The following GRM8 variants were observed in gnomAD, a reference collection of about 807,000 sequenced individuals.
GRM8 encodes the protein metabotropic glutamate receptor 8.
In GRM8, 47 loss-of-function variants were observed where a neutral mutation model predicts 87.2. The observed-to-expected ratio is 0.54, with a 90% CI of 0.43 to 0.69. GRM8 has a LOEUF of 0.69. Among genes scored for constraint, GRM8 ranks in the 30% least tolerant of loss-of-function variants. The probability of loss-of-function intolerance (pLI) is 0.00; values close to 1 mark genes in which losing one functional copy is unlikely to be tolerated. For synonymous variants in GRM8, 396 were observed against 404.5 expected (o/e 0.98, Z 0.25); for missense variants, 1,019 against 1,139.2 (o/e 0.89, Z 1.52).
At chr7:127,084,464 G>A (rs1033794754) in intron 3 of GRM8, 2 of 152,150 alleles carry the variant, frequency 1.3e-5, no homozygotes, top group African/African-American at 4.8e-5. Flanking sequence ...TATAAACCAT[G>A]TTTGTTATTA....
chr7:126,967,511 C>A (rs183612365), intron 3 of GRM8, among the ~76,000 whole-genome samples: 1 of 150,456 alleles, frequency 6.6e-6, no homozygotes, highest in South Asian at 2.1e-4. Context: ...GCCTCACAAG[C>A]TTGGATTATG....
intron 9 of GRM8, among the ~76,000 whole-genome samples, chr7:126,505,177 T>C (rs1421839419): frequency 1.3e-5 from 2 of 152,030 alleles, no homozygotes; most frequent in Non-Finnish European, 2.9e-5. Context: ...TATAGACATA[T>C]AAAAACCACA....
chr7:127,100,016 A>C (rs1197522611), intron 3 of GRM8, among the ~76,000 whole-genome samples: 1 of 152,182 alleles, frequency 6.6e-6, no homozygotes, highest in Non-Finnish European at 1.5e-5. Flanking sequence ...GGAGTGATGC[A>C]TCTACAAGCC....
rs1010891319 is a variant in GRM8 at position 127,184,866 on chromosome 7, A to G, written c.510+57829T>C. On this transcript the variant is annotated intron_variant, in intron 2 of 10. Transcript: ENST00000339582. ...GACCAATTTGTATTTGAAATGAGAG[A>G]AAATACATTTGCAATGGCACCCCAA... is the stretch of plus-strand genomic sequence containing the variant. Among the ~76,000 whole-genome samples, 3 of 152,042 alleles carry G rather than the reference A, an allele frequency of 2.0e-5. 1 individual carries two copies. The highest frequency in any genetic ancestry group is 2.0e-4 in the Admixed American group (3 of 15,244).
At position 126,456,519 on chromosome 7, in the gene GRM8, T is replaced by TAAAAAAAAAAAAAAAAAAAAAAAAAA. The variant is rs513; in HGVS notation, c.2431-10173_2431-10148dup. On this transcript the variant is annotated intron_variant, in intron 9 of 10. Transcript: ENST00000339582. The stretch of plus-strand genomic sequence containing the variant: ...TCCTAAGTGTAAGAAAGCAGCAAGC[T>TAAAAAAAAAAAAAAAAAAAAAAAAAA]AAAAAAAAAAAAAAAAAAAAAAAAA... Among the ~76,000 whole-genome samples the TAAAAAAAAAAAAAAAAAAAAAAAAAA allele has an allele frequency of 4.4e-4, 31 of 69,686 alleles. 3 individuals are homozygous for TAAAAAAAAAAAAAAAAAAAAAAAAAA. The highest frequency in any genetic ancestry group is 5.0e-4 in the African/African-American group (6 of 12,064). 45.7% of individuals were successfully genotyped at this position (69,686 alleles called of 152,430 possible). A position where few individuals can be genotyped will look rare whatever the true frequency, so the allele number is the denominator to read the frequency against.
chr7:126,883,165 T>C (rs1043201855), intron 6 of GRM8, among the ~76,000 whole-genome samples: 2 of 152,174 alleles, frequency 1.3e-5, no homozygotes, highest in Non-Finnish European at 2.9e-5. Context: ...AGATAAATAA[T>C]GATGTAACTA....
At chr7:126,496,329 TTA>T (rs1283758903) in intron 9 of GRM8, among the ~76,000 whole-genome samples, 1 of 151,712 alleles carries the variant, frequency 6.6e-6, no homozygotes, top group African/African-American at 2.4e-5. Context: ...TCTGCAGATT[TTA>T]TAGATTAGAT....
At chr7:126,586,410 T>G (rs1009624226) in intron 8 of GRM8, among the ~76,000 whole-genome samples, 2 of 152,126 alleles carry the variant, frequency 1.3e-5, no homozygotes, top group African/African-American at 4.8e-5. Flanking sequence ...GGAGGCATCA[T>G]GCTACCTGAC....
chr7:126,745,126 C>A (rs1815495542), intron 7 of GRM8, among the ~76,000 whole-genome samples: 1 of 151,526 alleles, frequency 6.6e-6, no homozygotes, highest in South Asian at 2.1e-4. Flanking sequence ...TTTGCTAGGA[C>A]CAAAATGTTT....
At chr7:126,967,938 A>G (rs1284529316) in intron 3 of GRM8, among the ~76,000 whole-genome samples, 1 of 152,200 alleles carries the variant, frequency 6.6e-6, no homozygotes, top group Non-Finnish European at 1.5e-5. Flanking sequence ...TGACTTTACA[A>G]TTCCATATTG....
At chr7:127,168,502 G>C (rs1793586066) in intron 2 of GRM8, among the ~76,000 whole-genome samples, 1 of 152,098 alleles carries the variant, frequency 6.6e-6, no homozygotes, top group Non-Finnish European at 1.5e-5. Context: ...CCATTACTGG[G>C]TATATACTCA....
At position 126,769,988 on chromosome 7, in the gene GRM8, T is replaced by C. The variant is rs761055139; in HGVS notation, c.1234A>G (p.Met412Val). ...VQFVIDAVYS[M>V]AYALHNMHKD... ...TGCATATTGTGCAGGGCGTAAGCCA[T>C]GGAATATACAGCATCAATTACAAAT... Residue 412 changes from methionine (M) to valine (V), a missense_variant, in exon 7 of 11, where the codon ATG becomes GTG. Met to Val is a conservative substitution (Grantham distance 21). Coordinates refer to ENST00000339582, the MANE Select transcript of GRM8 (RefSeq NM_000845.3). The C allele has an allele frequency of 1.6e-5, 26 of 1,612,378 alleles. No homozygotes were observed. The highest frequency in any genetic ancestry group is 1.7e-4 in the Middle Eastern group (1 of 6,056).
chr7:126,732,212 T>C (rs1438991476), intron 7 of GRM8, among the ~76,000 whole-genome samples: 2 of 152,216 alleles, frequency 1.3e-5, no homozygotes, highest in South Asian at 2.1e-4. Flanking sequence ...ATTTATACTA[T>C]ACGACTGAAA....
intron 8 of GRM8, among the ~76,000 whole-genome samples, chr7:126,606,077 A>C (rs930801234): frequency 6.6e-6 from 1 of 152,252 alleles, no homozygotes; most frequent in Non-Finnish European, 1.5e-5. Flanking sequence ...ATGGTAGCAC[A>C]GGAAAATAAA....
chr7:127,046,304 G>A (rs1350293331), intron 3 of GRM8, among the ~76,000 whole-genome samples: 4 of 151,932 alleles, frequency 2.6e-5, no homozygotes, highest in Admixed American at 1.3e-4. Flanking sequence ...CCCGGGAGGC[G>A]GAGCTTGCAG....
intron 8 of GRM8, among the ~76,000 whole-genome samples, chr7:126,586,406 A>T (rs891348506): frequency 5.3e-5 from 8 of 152,238 alleles, no homozygotes; most frequent in Admixed American, 1.3e-4. Flanking sequence ...AGCTGGAGGC[A>T]TCATGCTACC....
At chr7:127,113,475 T>G (rs13309240) in intron 2 of GRM8, among the ~76,000 whole-genome samples, 35 of 88,172 alleles carry the variant, frequency 4.0e-4, no homozygotes, top group Admixed American at 2.2e-3. Context: ...TTTTTTTTTG[T>G]TTTTTTCCCC....
rs1386006363 is a variant in GRM8, at chr7:126,603,008, C to A, written c.1494+6354G>T. ...TCAATAAAATACTGGCAAACCGAAT[C>A]CAGCAGCACATCAAAAAGCTTATCC... On this transcript the variant is annotated intron_variant, in intron 8 of 10. Transcript: ENST00000339582. 3.4e-5 allele frequency among the ~76,000 whole-genome samples: 5 copies of A among 147,414 alleles called. No individual in the cohort carries two copies. The Admixed American group carries it at 3.4e-4, about 10-fold the overall frequency.
At chr7:126,688,273 T>A (rs1310131175) in intron 7 of GRM8, among the ~76,000 whole-genome samples, 1 of 152,138 alleles carries the variant, frequency 6.6e-6, no homozygotes, top group Non-Finnish European at 1.5e-5. Context: ...ATGGGTAAAG[T>A]GAATATTGGA....
Sources: gnomAD v4.1 joint callset for allele counts (sites outside exome capture counted in the v4.1 genomes callset) on GRCh38, gnomAD v4.1.1 for gene constraint, MANE v1.5 for transcripts, NCBI Gene and HGNC (gene_info 2026-07-23, HGNC 2026-07-21) for gene names.